MYO9B: variants seen among roughly 807,000 people sequenced by gnomAD.
The protein encoded by MYO9B is unconventional myosin-IXb.
MYO9B carries 71 observed loss-of-function variants against 229.5 expected under a neutral mutation model. The ratio of observed to expected loss-of-function variants is 0.31; its 90% confidence interval spans 0.26 to 0.38. MYO9B has a LOEUF of 0.38. MYO9B is among the 10% of genes least tolerant of loss of function. MYO9B has a pLI of 1.00. For missense variants in MYO9B, 2,255 were observed against 2,920.5 expected, an observed-to-expected ratio of 0.77 and a Z score of 5.25; for synonymous variants, 1,185 against 1,235.8, an observed-to-expected ratio of 0.96 and a Z score of 0.86.
chr19:17,187,425 C>T (rs1238481162), intron 18 of MYO9B, among the ~76,000 whole-genome samples: 4 of 152,068 alleles, frequency 2.6e-5, no homozygotes, highest in African/African-American at 4.8e-5. Flanking sequence ...CTTTGTCCGC[C>T]CCATCACCTG....
At chr19:17,156,363 C>T (rs1057182789) in intron 6 of MYO9B, among the ~76,000 whole-genome samples, 6 of 151,938 alleles carry the variant, frequency 3.9e-5, no homozygotes, top group Admixed American at 2.0e-4. Flanking sequence ...TGCAGTGAGC[C>T]GTGATCGCAC....
At position 17,172,035 on chromosome 19, in the gene MYO9B, C is replaced by A. The variant is rs1168005235; in HGVS notation, c.1794-301C>A. Among the ~76,000 whole-genome samples, 1 of 152,184 alleles carries A rather than the reference C, an allele frequency of 6.6e-6. No individual in the cohort carries two copies. Among genetic ancestry groups the A allele is most frequent in the Non-Finnish European group, 1.5e-5 (1 of 68,028 alleles). On this transcript the variant is annotated intron_variant, in intron 11 of 39. Transcript: ENST00000682292. This position sits in a 1 kb window ranked among gnomAD's most constrained non-coding sequence, Gnocchi z 8.2. ...CAGGCTGCAGCTATGCCAGCTGACG[C>A]AGAGAGCAGAGTCCCAGCCCTCCAC...
chr19:17,098,566 C>G (rs1414809789), intron 1 of MYO9B, among the ~76,000 whole-genome samples: 1 of 152,174 alleles, frequency 6.6e-6, no homozygotes, highest in Non-Finnish European at 1.5e-5. Context: ...GGCTCTTGAT[C>G]CAAGCCCCTA....
At chr19:17,169,151 C>T (rs2072692543) in intron 11 of MYO9B, among the ~76,000 whole-genome samples, 1 of 151,974 alleles carries the variant, frequency 6.6e-6, no homozygotes, top group East Asian at 1.9e-4. Flanking sequence ...GCAGGCGGAT[C>T]ACCTGAGGTC....
At chr19:17,086,000 C>T (rs1451037471) in intron 1 of MYO9B, among the ~76,000 whole-genome samples, 1 of 152,164 alleles carries the variant, frequency 6.6e-6, no homozygotes, top group Non-Finnish European at 1.5e-5. Flanking sequence ...TACCTGTGAC[C>T]AGAACCCACC....
At chr19:17,118,694 G>A (rs1311893836) in intron 2 of MYO9B, among the ~76,000 whole-genome samples, 2 of 152,198 alleles carry the variant, frequency 1.3e-5, no homozygotes, top group South Asian at 2.1e-4. Context: ...TGTTGGCCAG[G>A]CTGGTCTTAA....
chr19:17,161,839 A>T (rs1332290452), intron 8 of MYO9B, among the ~76,000 whole-genome samples: 1 of 151,822 alleles, frequency 6.6e-6, no homozygotes, highest in Non-Finnish European at 1.5e-5. Context: ...TATATTAAAA[A>T]TTAACCAGGT....
chr19:17,099,744 G>A (rs2057726604), intron 1 of MYO9B, among the ~76,000 whole-genome samples: 1 of 151,316 alleles, frequency 6.6e-6, no homozygotes, highest in African/African-American at 2.4e-5. Context: ...CGTGAACCCG[G>A]GAGGCGGAGC....
At chr19:17,202,973 C>T (rs764726975) in intron 29 of MYO9B, 90 bp downstream of exon 29, 2 of 1,485,302 alleles carry the variant, frequency 1.3e-6, no homozygotes, top group Non-Finnish European at 1.8e-6. Context: ...GCGCATGGGC[C>T]CGTCTGCACG....
At chr19:17,080,337 C>T (rs538109861) in intron 1 of MYO9B, among the ~76,000 whole-genome samples, 4 of 152,260 alleles carry the variant, frequency 2.6e-5, no homozygotes, top group South Asian at 2.1e-4. Flanking sequence ...AGAGGCCAGA[C>T]GTTTAAGATC....
At chr19:17,145,522 G>T in intron 3 of MYO9B, 31 bp downstream of exon 3, 2 of 1,577,556 alleles carry the variant, frequency 1.3e-6, no homozygotes, top group Non-Finnish European at 1.7e-6. Context: ...CCACTGGTGG[G>T]AGCTGGCCCC....
intron 2 of MYO9B, among the ~76,000 whole-genome samples, chr19:17,112,016 T>C (rs978911644): frequency 6.6e-6 from 1 of 152,214 alleles, no homozygotes; most frequent in African/African-American, 2.4e-5. Context: ...GGATGGACCA[T>C]AATTTGTTTC....
At chr19:17,197,693 G>A in intron 22 of MYO9B, 99 bp from the exon 23 acceptor site, 2 of 1,389,334 alleles carry the variant, frequency 1.4e-6, no homozygotes, top group South Asian at 1.2e-5. Context: ...CCCCTGGCAG[G>A]GGCAGAACTG....
At position 17,191,239 on chromosome 19, in the gene MYO9B, G is replaced by T; in HGVS notation, c.2811+20G>T. ...ACCAAGGTCAGCGCTCCTGCCCCTCGGGGCACTACAAACCCACACCCTGCC... is the reference window on the plus strand; with the variant it reads ...ACCAAGGTCAGCGCTCCTGCCCCTCTGGGCACTACAAACCCACACCCTGCC... On this transcript the variant is annotated intron_variant, in intron 20 of 39. Coordinates refer to ENST00000682292, the MANE Select transcript of MYO9B (RefSeq NM_004145.4). 6.2e-7 allele frequency: 1 copy of T among 1,607,196 alleles called. No homozygotes were observed. Among genetic ancestry groups the T allele is most frequent in the East Asian group, 2.2e-5 (1 of 44,640 alleles).
At chr19:17,076,381 G>A (rs892254627) in intron 1 of MYO9B, among the ~76,000 whole-genome samples, 4 of 152,046 alleles carry the variant, frequency 2.6e-5, no homozygotes, top group Non-Finnish European at 5.9e-5. Context: ...TAAATGCGGG[G>A]GGTTCTGAAC....
chr19:17,109,032 TTTTATTTA>T (rs150315844), intron 2 of MYO9B, among the ~76,000 whole-genome samples: 25,495 of 136,344 alleles, frequency 0.19, 2,819 homozygotes, highest in East Asian at 0.45. Flanking sequence ...TTTTTTTTAA[TTTTATTTA>T]TTTATTTATT....
At chr19:17,210,252 A>C (rs2073210841) in intron 36 of MYO9B, 81 bp from the exon 37 acceptor site, 1 of 1,391,712 alleles carries the variant, frequency 7.2e-7, no homozygotes, top group Non-Finnish European at 9.7e-7. Context: ...CTATCTTGGT[A>C]CCGGTCATTG....
chr19:17,143,690 G>GC lies in MYO9B; in HGVS notation c.841-1707_841-1706insC, dbSNP rs546843355. Among the ~76,000 whole-genome samples, 733 of 152,148 alleles carry GC rather than the reference G, an allele frequency of 4.8e-3. 8 individuals are homozygous for GC. The highest frequency in any genetic ancestry group is 0.016 in the African/African-American group (684 of 41,512). On this transcript the variant is annotated intron_variant, in intron 2 of 39. Transcript: ENST00000682292. The stretch of plus-strand genomic sequence containing the variant: ...TAAATCCCAGCACTTTGAGAGGCCG[G>GC]GGCGGGCAGATCATGAGGTCAAGAG...
chr19:17,179,889 A>G (rs1387421811), intron 14 of MYO9B, among the ~76,000 whole-genome samples: 1 of 150,886 alleles, frequency 6.6e-6, no homozygotes, highest in African/African-American at 2.4e-5. Context: ...ACAGAGCAAG[A>G]CACTGTTTCC....
Sources: gnomAD v4.1 joint callset for allele counts (sites outside exome capture counted in the v4.1 genomes callset) on GRCh38, gnomAD v4.1.1 for gene constraint, Gnocchi (gnomAD v3.1) non-coding constraint, MANE v1.5 for transcripts, NCBI Gene and HGNC (gene_info 2026-07-23, HGNC 2026-07-21) for gene names.